LHFPL3: variants seen among roughly 807,000 people sequenced by gnomAD.
The protein encoded by LHFPL3 is LHFPL tetraspan subfamily member 3, also known as LHFPL tetraspan subfamily member 3 protein.
A neutral mutation model predicts 19.3 loss-of-function variants in LHFPL3; 5 were observed. The observed-to-expected ratio is 0.26, with a 90% confidence interval of 0.14 to 0.54. The LOEUF is 0.54. Ranked by LOEUF, LHFPL3 falls within the 20% of genes least tolerant of loss-of-function variation. LHFPL3 has a pLI of 0.94. For missense variants in LHFPL3, 249 were observed against 307.4 expected (o/e 0.81, Z 1.42); for synonymous variants, 133 against 126.2 (o/e 1.05, Z -0.36).
intron 2 of LHFPL3, among the ~76,000 whole-genome samples, chr7:104,893,321 C>T (rs1408245257): frequency 6.6e-6 from 1 of 151,954 alleles, no homozygotes; most frequent in Non-Finnish European, 1.5e-5. Flanking sequence ...CAAGACCAGC[C>T]TGGCCAAAAT....
At chr7:104,663,832 T>C (rs1792276384) in intron 1 of LHFPL3, among the ~76,000 whole-genome samples, 1 of 152,216 alleles carries the variant, frequency 6.6e-6, no homozygotes, top group Non-Finnish European at 1.5e-5. Flanking sequence ...TCTTTGGAGT[T>C]GGGTGCTCAA....
At chr7:104,482,566 C>T (rs941747200) in intron 1 of LHFPL3, among the ~76,000 whole-genome samples, 4 of 152,176 alleles carry the variant, frequency 2.6e-5, no homozygotes, top group East Asian at 1.9e-4. Context: ...TGATTTGTCC[C>T]TACATCAATG....
intron 1 of LHFPL3, among the ~76,000 whole-genome samples, chr7:104,497,558 G>A (rs1420557197): frequency 6.6e-6 from 1 of 151,710 alleles, no homozygotes; most frequent in African/African-American, 2.4e-5. Flanking sequence ...GCATTTTGGG[G>A]GTGAAATCTC....
At chr7:104,556,060 T>C (rs1197362690) in intron 1 of LHFPL3, among the ~76,000 whole-genome samples, 1 of 152,252 alleles carries the variant, frequency 6.6e-6, no homozygotes, top group African/African-American at 2.4e-5. Flanking sequence ...GATCTGCCCC[T>C]GTGGCTTTTC....
At chr7:104,646,742 C>T (rs1035590996) in intron 1 of LHFPL3, among the ~76,000 whole-genome samples, 1 of 152,118 alleles carries the variant, frequency 6.6e-6, no homozygotes, top group Admixed American at 6.5e-5. Flanking sequence ...GTTTATTTTC[C>T]ACAAGAATGA....
intron 1 of LHFPL3, among the ~76,000 whole-genome samples, chr7:104,384,502 A>G (rs958313530): frequency 3.3e-5 from 5 of 152,074 alleles, no homozygotes; most frequent in Admixed American, 1.3e-4. Context: ...GAATGAATGT[A>G]TAGGCCGGGC....
chr7:104,352,130 A>T (rs1790189133), intron 1 of LHFPL3, among the ~76,000 whole-genome samples: 1 of 151,794 alleles, frequency 6.6e-6, no homozygotes, highest in East Asian at 1.9e-4. Flanking sequence ...TCACCACCGC[A>T]CTCCAGCTTG....
intron 1 of LHFPL3, among the ~76,000 whole-genome samples, chr7:104,651,963 A>C (rs962605967): frequency 6.6e-6 from 1 of 152,182 alleles, no homozygotes; most frequent in African/African-American, 2.4e-5. Context: ...TGCTCGATAA[A>C]TGTTAGTAAC....
chr7:104,742,788 A>G (rs1793959344), intron 2 of LHFPL3, among the ~76,000 whole-genome samples: 1 of 152,226 alleles, frequency 6.6e-6, no homozygotes, highest in Admixed American at 6.5e-5. Context: ...TCCTGCCTTC[A>G]TATCAGTGAG....
intron 1 of LHFPL3, among the ~76,000 whole-genome samples, chr7:104,681,994 G>T (rs1224912463): frequency 6.6e-6 from 1 of 152,114 alleles, no homozygotes; most frequent in Non-Finnish European, 1.5e-5. Flanking sequence ...ATAGCGCATA[G>T]ATGATAATAA....
chr7:104,524,305 G>A (rs34387339), intron 1 of LHFPL3, among the ~76,000 whole-genome samples: 1,841 of 152,130 alleles, frequency 0.012, 15 homozygotes, highest in East Asian at 0.027. Context: ...TCAAACTCTC[G>A]GGAAGACAGT....
At chr7:104,504,893 A>C (rs193055828) in intron 1 of LHFPL3, among the ~76,000 whole-genome samples, 146 of 152,332 alleles carry the variant, frequency 9.6e-4, no homozygotes, top group Non-Finnish European at 4.7e-4. Context: ...GGAAGCTTTT[A>C]GTTGGCTAAT....
intron 1 of LHFPL3, among the ~76,000 whole-genome samples, chr7:104,394,370 T>G (rs1226247888): frequency 6.6e-6 from 1 of 152,218 alleles, no homozygotes; most frequent in Non-Finnish European, 1.5e-5. Flanking sequence ...AAATATTAAT[T>G]AATGGTGGTA....
At chr7:104,868,972 G>A (rs1394179814) in intron 2 of LHFPL3, among the ~76,000 whole-genome samples, 1 of 152,112 alleles carries the variant, frequency 6.6e-6, no homozygotes, top group African/African-American at 2.4e-5. Flanking sequence ...ACAAGAAATG[G>A]GGAAACAATT....
At chr7:104,865,978 C>T (rs1053702232) in intron 2 of LHFPL3, among the ~76,000 whole-genome samples, 1 of 152,134 alleles carries the variant, frequency 6.6e-6, no homozygotes, top group Admixed American at 6.5e-5. Context: ...CCAAACCAAG[C>T]TTCATAAGTG....
At chr7:104,771,037 AC>A (rs1236355777) in intron 2 of LHFPL3, among the ~76,000 whole-genome samples, 1 of 152,102 alleles carries the variant, frequency 6.6e-6, no homozygotes, top group Non-Finnish European at 1.5e-5. Flanking sequence ...GATGAAAGAA[AC>A]TTTGTTCACA....
intron 1 of LHFPL3, among the ~76,000 whole-genome samples, chr7:104,603,677 CA>C (rs1158817834): frequency 3.3e-5 from 5 of 152,162 alleles, no homozygotes; most frequent in Non-Finnish European, 7.3e-5. Flanking sequence ...GTAGGACAGC[CA>C]TAGGATAGAC....
intron 2 of LHFPL3, among the ~76,000 whole-genome samples, chr7:104,901,776 C>T (rs1353620670): frequency 6.6e-6 from 1 of 151,970 alleles, no homozygotes; most frequent in African/African-American, 2.4e-5. Flanking sequence ...CCTTATGTTG[C>T]CCAGGCTGGT....
At chr7:104,334,408 A>G (rs186122188) in intron 1 of LHFPL3, among the ~76,000 whole-genome samples, 6 of 152,218 alleles carry the variant, frequency 3.9e-5, no homozygotes, top group African/African-American at 1.4e-4. Flanking sequence ...CTAGCCAGGT[A>G]TGGTGGCGTA....
Sources: gnomAD v4.1 joint callset for allele counts (sites outside exome capture counted in the v4.1 genomes callset) on GRCh38, gnomAD v4.1.1 for gene constraint, MANE v1.5 for transcripts, NCBI Gene and HGNC (gene_info 2026-07-23, HGNC 2026-07-21) for gene names.